The following TENM3 variants were observed in gnomAD, a reference collection of about 807,000 sequenced individuals.
TENM3 encodes the protein teneurin transmembrane protein 3, also known as teneurin-3.
In TENM3, 63 loss-of-function variants were observed where a neutral mutation model predicts 255.1. The ratio of observed to expected loss-of-function variants is 0.25; its 90% CI spans 0.20 to 0.30. The LOEUF (loss-of-function observed/expected upper bound fraction) is 0.30, where lower values mean the gene tolerates loss of function less well. Among genes scored for constraint, TENM3 ranks in the 10% least tolerant of loss-of-function variants. The probability of loss-of-function intolerance (pLI) is 1.00; values close to 1 mark genes in which losing one functional copy is unlikely to be tolerated. For synonymous variants in TENM3, 1,306 were observed against 1,322.3 expected (o/e 0.99, Z 0.27); for missense variants, 2,929 against 3,461.1 (o/e 0.85, Z 3.86).
intron 3 of TENM3, among the ~76,000 whole-genome samples, chr4:182,452,526 G>C (rs917332033): frequency 1.3e-5 from 2 of 152,124 alleles, no homozygotes; most frequent in Admixed American, 1.3e-4. Flanking sequence ...TTAGAGGAGT[G>C]GGAGAGAGGA....
chr4:182,578,266 C>A (rs1037915199), intron 3 of TENM3, among the ~76,000 whole-genome samples: 11 of 152,162 alleles, frequency 7.2e-5, no homozygotes, highest in Non-Finnish European at 1.6e-4. Context: ...TGAGCCACCA[C>A]CCCAGCCCCA....
At chr4:182,706,227 G>A (rs968618204) in intron 12 of TENM3, among the ~76,000 whole-genome samples, 1 of 152,140 alleles carries the variant, frequency 6.6e-6, no homozygotes, top group Non-Finnish European at 1.5e-5. Flanking sequence ...AGACTGCCTG[G>A]TTGGAACTTT....
intron 3 of TENM3, among the ~76,000 whole-genome samples, chr4:182,351,597 G>GT (rs751675660): frequency 9.2e-5 from 14 of 152,204 alleles, no homozygotes; most frequent in Non-Finnish European, 1.8e-4. Context: ...TCCTCAGCCT[G>GT]TTAGCCCTCT....
chr4:182,625,233 G>A (rs1182840246), intron 4 of TENM3, among the ~76,000 whole-genome samples: 2 of 152,120 alleles, frequency 1.3e-5, no homozygotes, highest in Non-Finnish European at 2.9e-5. Flanking sequence ...ACGGGTCCCC[G>A]ACCACTGGGC....
the TENM3 span, among the ~76,000 whole-genome samples, chr4:181,870,824 T>A: frequency 2.6e-4 from 39 of 152,232 alleles, no homozygotes; most frequent in African/African-American, 8.9e-4. Flanking sequence ...CATTGATCAA[T>A]ATTTTCTTGT....
At chr4:182,575,794 TAA>T (rs1460829570) in intron 3 of TENM3, among the ~76,000 whole-genome samples, 11 of 152,360 alleles carry the variant, frequency 7.2e-5, no homozygotes, top group African/African-American at 2.4e-4. Context: ...TTTTTAGATA[TAA>T]TACTGTATTA....
chr4:182,524,612 C>T (rs1448819054), intron 3 of TENM3, among the ~76,000 whole-genome samples: 1 of 151,746 alleles, frequency 6.6e-6, no homozygotes, highest in Middle Eastern at 3.2e-3. Flanking sequence ...CCTCCTGTCT[C>T]GGCCTCCCAA....
chr4:182,330,700 T>C (rs1236833798), intron 2 of TENM3, among the ~76,000 whole-genome samples: 1 of 152,138 alleles, frequency 6.6e-6, no homozygotes, highest in African/African-American at 2.4e-5. Context: ...CAAGAAGAAA[T>C]ACCAACTGAA....
rs747628733 is a variant in TENM3 at position 182,432,849 on chromosome 4, G to GGGGTGTGTGTGTGTGTGTGT, written c.511+85921_511+85922insGGTGTGTGTGTGTGTGTGTG. ...AATTTTTCATCAGGGAATGGATTTG[G>GGGGTGTGTGTGTGTGTGTGT]GTGTGTGTGTGTGTGTTTTAGTAGA... On this transcript the variant is annotated intron_variant, in intron 3 of 27. Transcript: ENST00000511685. Among the ~76,000 whole-genome samples, 11 of 143,080 alleles carry GGGGTGTGTGTGTGTGTGTGT rather than the reference G, an allele frequency of 7.7e-5. No individual in the cohort carries two copies. In the East Asian group the frequency reaches 1.7e-3, roughly 21 times the overall value. 93.9% of individuals were successfully genotyped at this position (143,080 alleles called of 152,430 possible). A position where few individuals can be genotyped will look rare whatever the true frequency, so the allele number is the denominator to read the frequency against.
At chr4:182,382,737 C>T (rs1767657006) in intron 3 of TENM3, among the ~76,000 whole-genome samples, 1 of 152,138 alleles carries the variant, frequency 6.6e-6, no homozygotes, top group African/African-American at 2.4e-5. Context: ...AGGCAGAGGT[C>T]GAAGCCATAG....
chr4:182,418,459 G>C (rs561038714), intron 3 of TENM3, among the ~76,000 whole-genome samples: 6 of 152,158 alleles, frequency 3.9e-5, no homozygotes, highest in Admixed American at 3.3e-4. Context: ...ATGATTGTTG[G>C]GGGGTGGGGT....
At chr4:181,917,263 G>T in the TENM3 span, among the ~76,000 whole-genome samples, 1 of 152,150 alleles carries the variant, frequency 6.6e-6, no homozygotes, top group East Asian at 1.9e-4. Flanking sequence ...ACATTCAAAG[G>T]CGGTAGGTAT....
intron 5 of TENM3, among the ~76,000 whole-genome samples, chr4:182,651,344 T>C (rs1448729109): frequency 6.6e-6 from 1 of 152,186 alleles, no homozygotes; most frequent in African/African-American, 2.4e-5. Flanking sequence ...CCTTTTTACA[T>C]GATGACAACT....
chr4:181,715,873 C>A, the TENM3 span, among the ~76,000 whole-genome samples: 1 of 152,176 alleles, frequency 6.6e-6, no homozygotes, highest in Non-Finnish European at 1.5e-5. Context: ...TTAGTGCCCC[C>A]ACAGATAATA....
intron 2 of TENM3, among the ~76,000 whole-genome samples, chr4:182,337,472 G>A (rs1764215902): frequency 6.6e-6 from 1 of 152,118 alleles, no homozygotes; most frequent in South Asian, 2.1e-4. Context: ...TCAGAGAAAT[G>A]AAAATTAAAA....
the TENM3 span, among the ~76,000 whole-genome samples, chr4:181,835,706 C>A: frequency 6.6e-6 from 1 of 152,176 alleles, no homozygotes; most frequent in Non-Finnish European, 1.5e-5. Flanking sequence ...ATGAGGCTTG[C>A]ATGTTTACCA....
At chr4:182,104,426 AAGTC>A in the TENM3 span, among the ~76,000 whole-genome samples, 6 of 152,032 alleles carry the variant, frequency 3.9e-5, no homozygotes, top group African/African-American at 1.5e-4. Context: ...TTTCTATAAA[AAGTC>A]AGAGAACTGA....
chr4:181,974,131 G>A, the TENM3 span, among the ~76,000 whole-genome samples: 3 of 152,208 alleles, frequency 2.0e-5, no homozygotes, highest in Non-Finnish European at 2.9e-5. Flanking sequence ...AAGGAGTCCT[G>A]CATGCGGAAG....
rs780335525 is a variant in TENM3 at position 182,800,131 on chromosome 4, G to A, written c.7880G>A (p.Arg2627His). The change falls in exon 28 of 28, where the codon CGC becomes CAC. Residue 2627 changes from arginine (R) to histidine (H), a missense_variant. Arg to His is a conservative substitution (Grantham distance 29). This residue lies in a region of TENM3 where 476 missense variants were observed against 480.1 expected (regional missense o/e 0.99). Transcript: ENST00000511685. ...KARILEQARQ[R>H]ALARAWAREQ... ...CGCATCCTGGAGCAGGCGCGGCAGC[G>A]CGCGCTCGCCCGGGCCTGGGCGCGC... The A allele has an allele frequency of 1.4e-6, 2 of 1,471,334 alleles. No homozygotes were observed. The highest frequency in any genetic ancestry group is 1.8e-6 in the Non-Finnish European group (2 of 1,120,712). 91.1% of individuals were successfully genotyped at this position (1,471,334 alleles called of 1,614,324 possible). A position where few individuals can be genotyped will look rare whatever the true frequency, so the allele number is the denominator to read the frequency against.
Sources: allele counts gnomAD v4.1 joint callset (sites outside exome capture counted in the v4.1 genomes callset), GRCh38; gene constraint gnomAD v4.1.1; regional missense constraint gnomAD v4.1.1; transcripts MANE v1.5; gene names NCBI Gene and HGNC (gene_info 2026-07-23, HGNC 2026-07-21).